The following DPP9 variants were observed in gnomAD, a reference collection of about 807,000 sequenced individuals.
The protein encoded by DPP9 is dipeptidyl peptidase IV-related protein-2.
A neutral mutation model predicts 110.7 loss-of-function variants in DPP9; 50 were observed. The ratio of observed to expected loss-of-function variants is 0.45; its 90% confidence interval spans 0.36 to 0.57. The LOEUF (loss-of-function observed/expected upper bound fraction) is 0.57, where lower values mean the gene tolerates loss of function less well. Among genes scored for constraint, DPP9 ranks in the 20% least tolerant of loss-of-function variants. The probability of loss-of-function intolerance (pLI) is 0.00; values close to 1 mark genes in which losing one functional copy is unlikely to be tolerated. For missense variants in DPP9, 1,022 were observed against 1,217.9 expected (o/e 0.84, Z 2.39); for synonymous variants, 561 against 514.4 (o/e 1.09, Z -1.23).
rs1217348469 is a variant in DPP9, at chr19:4,694,672, C to A, written c.1505G>T (p.Ser502Ile). The A allele has an allele frequency of 6.2e-7, 1 of 1,611,318 alleles. No individual in the cohort carries two copies. The highest frequency in any genetic ancestry group is 1.3e-5 in the African/African-American group (1 of 74,876). ...SQGYDWSEPF[S>I]PGEDEFKCPI... ...CAGGCTCTGCTCACCTTCCCCGGGG[C>A]TGAAGGGCTCACTCCAATCGTAGCC... Residue 502 changes from serine to isoleucine, a missense_variant, in exon 13 of 22, where the codon AGC becomes ATC. By Grantham distance (142) the Ser-to-Ile change is moderately radical. Around this residue, in one of 3 missense-constraint regions of DPP9, gnomAD observed 810 missense variants for 920.6 expected, o/e 0.88. Coordinates refer to ENST00000262960, the MANE Select transcript of DPP9 (RefSeq NM_139159.5). This position sits in a 1 kb window ranked among gnomAD's most constrained non-coding sequence, Gnocchi z 4.0.
At chr19:4,714,383 C>CT in intron 3 of DPP9, 46 bp from the exon 4 acceptor site, 1 of 1,454,596 alleles carries the variant, frequency 6.9e-7, no homozygotes, top group Admixed American at 2.5e-5. Flanking sequence ...ACTGTTTTAC[C>CT]TACGAGCTGC....
rs1002897027 is a variant in DPP9 at position 4,687,829 on chromosome 19, G to A, written c.1885+928C>T. 4.0e-5 allele frequency among the ~76,000 whole-genome samples: 6 copies of A among 151,810 alleles called. No individual in the cohort carries two copies. Among genetic ancestry groups the A allele is most frequent in the Non-Finnish European group, 5.9e-5 (4 of 67,970 alleles). The stretch of plus-strand genomic sequence containing the variant: ...TTTTTTTTTTTTGAGACGGAGTCTC[G>A]CTCTGTCGCCCAGGCTAAAGTACAG... On this transcript the variant is annotated intron_variant, in intron 16 of 21. Coordinates refer to ENST00000262960, the MANE Select transcript of DPP9 (RefSeq NM_139159.5). The surrounding 1 kb of genome is among the most constrained non-coding windows in gnomAD (Gnocchi z 4.7).
intron 18 of DPP9, chr19:4,683,919 G>C (rs1273365809): frequency 3.6e-6 from 4 of 1,112,522 alleles, no homozygotes; most frequent in Non-Finnish European, 5.0e-6. Flanking sequence ...AACAGGAAGA[G>C]GACCCATTTT....
chr19:4,702,481 T>TGG, intron 8 of DPP9, 122 bp downstream of exon 8: 1 of 767,436 alleles, frequency 1.3e-6, no homozygotes, highest in East Asian at 2.7e-5. Context: ...CTCTAGGTGT[T>TGG]GGTATTGACA....
At position 4,710,861 on chromosome 19, in the gene DPP9, C is replaced by T. The variant is rs1004407251; in HGVS notation, c.313+3220G>A. On this transcript the variant is annotated intron_variant, in intron 4 of 21. Coordinates refer to ENST00000262960, the MANE Select transcript of DPP9 (RefSeq NM_139159.5). The surrounding 1 kb of genome is among the most constrained non-coding windows in gnomAD (Gnocchi z 5.6). ...TCTGGTTTTTGAGCTACTCTAGGTACGTTCTGGGGTTTCTGCCAAGTTCAT... is the reference window on the plus strand; with the variant it reads ...TCTGGTTTTTGAGCTACTCTAGGTATGTTCTGGGGTTTCTGCCAAGTTCAT... 2.0e-5 allele frequency among the ~76,000 whole-genome samples: 3 copies of T among 152,270 alleles called. No homozygotes were observed. The highest frequency in any genetic ancestry group is 4.4e-5 in the Non-Finnish European group (3 of 68,006).
Position 4,694,522 on chromosome 19 carries a change from G to A in DPP9, c.1516+139C>T. 4 of 1,114,356 alleles carry A rather than the reference G, an allele frequency of 3.6e-6. No homozygotes were observed. The highest frequency in any genetic ancestry group is 5.1e-6 in the Non-Finnish European group (4 of 789,068). The allele number at this position is 1,114,356 out of a possible 1,614,324, so 69.0% of individuals were successfully genotyped here. A position where few individuals can be genotyped will look rare whatever the true frequency, so the allele number is the denominator to read the frequency against. On this transcript the variant is annotated intron_variant, in intron 13 of 21. Transcript: ENST00000262960. The surrounding 1 kb of genome is among the most constrained non-coding windows in gnomAD (Gnocchi z 4.0). ...CCAGATCATGCAGTCACTGGGGAAG[G>A]CTGGCTTCCTGCCGATCCCTGTTCC...
In DPP9 at chr19:4,685,266, T is replaced by C; in HGVS notation, c.2031+360A>G. 1.9e-6 allele frequency: 1 copy of C among 530,676 alleles called. No homozygotes were observed. Among genetic ancestry groups the C allele is most frequent in the East Asian group, 4.9e-5 (1 of 20,586 alleles). 32.9% of individuals were successfully genotyped at this position (530,676 alleles called of 1,614,324 possible). ...AGATGTGCGCCTAAGATGGTCCAAC[T>C]GCCAATCTGCTGCCTGCTTTTGACC... On this transcript the variant is annotated intron_variant, in intron 17 of 21. Transcript: ENST00000262960. This position sits in a 1 kb window ranked among gnomAD's most constrained non-coding sequence, Gnocchi z 5.8.
In DPP9 at chr19:4,683,600, C is replaced by G. The variant is rs1228140006; in HGVS notation, c.2208G>C (p.Glu736Asp). ...MGQVEIEDQVEGLQFVAEKYG... is the reference protein window; with the variant it reads ...MGQVEIEDQVDGLQFVAEKYG... ...ACTTCTCGGCCACGAACTGCAGGCCCTCCACCTGGTCCTCGATCTCCACCT... is the reference window on the plus strand; with the variant it reads ...ACTTCTCGGCCACGAACTGCAGGCCGTCCACCTGGTCCTCGATCTCCACCT... Residue 736 changes from glutamate (E) to aspartate (D), a missense_variant, in exon 19 of 22, where the codon GAG becomes GAC. Glu to Asp is a conservative substitution (Grantham distance 45, BLOSUM62 2). Coordinates refer to ENST00000262960, the MANE Select transcript of DPP9 (RefSeq NM_139159.5). The G allele has an allele frequency of 6.2e-7, 1 of 1,612,968 alleles. No homozygotes were observed. Among genetic ancestry groups the G allele is most frequent in the African/African-American group, 1.3e-5 (1 of 74,740 alleles).
At chr19:4,683,160 C>T in intron 19 of DPP9, 2 of 1,439,856 alleles carry the variant, frequency 1.4e-6, no homozygotes, top group South Asian at 1.3e-5. Context: ...GGCCTGGGGC[C>T]CCCCCGCCGC....
intron 19 of DPP9, chr19:4,683,159 C>G (rs1468403274): frequency 7.0e-7 from 1 of 1,427,584 alleles, no homozygotes; most frequent in Admixed American, 2.4e-5. Flanking sequence ...CGGCCTGGGG[C>G]CCCCCCGCCG....
Position 4,694,554 on chromosome 19 carries a change from C to T in DPP9, c.1516+107G>A, listed in dbSNP as rs1486383759. 24 of 1,397,736 alleles carry T rather than the reference C, an allele frequency of 1.7e-5. No individual in the cohort carries two copies. Among genetic ancestry groups the T allele is most frequent in the African/African-American group, 1.1e-4 (8 of 70,054 alleles). 86.6% of individuals were successfully genotyped at this position (1,397,736 alleles called of 1,614,324 possible). ...TCCTGCCGATCCCTGTTCCTTCTCC[C>T]GCAGGGTGTGCTGGCTGAGTGGGGG... is the stretch of plus-strand genomic sequence containing the variant. On this transcript the variant is annotated intron_variant, in intron 13 of 21. Coordinates refer to ENST00000262960, the MANE Select transcript of DPP9 (RefSeq NM_139159.5). The surrounding 1 kb of genome is among the most constrained non-coding windows in gnomAD (Gnocchi z 4.0).
rs528389916 is a variant in DPP9, at chr19:4,684,287, C to T, written c.2178+376G>A. On this transcript the variant is annotated intron_variant, in intron 18 of 21. Coordinates refer to ENST00000262960, the MANE Select transcript of DPP9 (RefSeq NM_139159.5). The surrounding 1 kb of genome is among the most constrained non-coding windows in gnomAD (Gnocchi z 4.8). ...CGTGGGAACAGAGAGCAGCCCTCCC[C>T]GACACAGCCCTGCCTTGGCCTTGGA... 1.4e-5 allele frequency: 4 copies of T among 291,310 alleles called. No homozygotes were observed. The highest frequency in any genetic ancestry group is 3.6e-5 in the South Asian group (1 of 27,736). The allele number at this position is 291,310 out of a possible 1,614,324, so 18.0% of individuals were successfully genotyped here. A position where few individuals can be genotyped will look rare whatever the true frequency, so the allele number is the denominator to read the frequency against.
intron 13 of DPP9, among the ~76,000 whole-genome samples, chr19:4,691,204 T>C (rs556848129): frequency 2.0e-5 from 3 of 152,190 alleles, no homozygotes; most frequent in Admixed American, 2.0e-4. Context: ...AGGAGACCCG[T>C]GGCTCACTCC....
At chr19:4,690,752 TGTATGTGTGAGAATGA>T in intron 14 of DPP9, 110 bp downstream of exon 14, 1 of 770,726 alleles carries the variant, frequency 1.3e-6, no homozygotes, top group Non-Finnish European at 2.2e-6. Context: ...TGTGCGTGTG[TGTATGTGTGAGAATGA>T]GTATGTGTGT....
At chr19:4,715,114 G>C (rs1348284924) in intron 3 of DPP9, among the ~76,000 whole-genome samples, 1 of 129,796 alleles carries the variant, frequency 7.7e-6, no homozygotes, top group African/African-American at 2.9e-5. Context: ...CTGCCTCTTA[G>C]GATCAAGCGA....
intron 20 of DPP9, among the ~76,000 whole-genome samples, chr19:4,680,958 A>G (rs1410161907): frequency 6.6e-6 from 1 of 152,134 alleles, no homozygotes; most frequent in African/African-American, 2.4e-5. Flanking sequence ...CTCTCTCAAC[A>G]AAACAAAACA....
At chr19:4,680,621 C>A (rs1474222375) in intron 20 of DPP9, among the ~76,000 whole-genome samples, 1 of 145,940 alleles carries the variant, frequency 6.9e-6, no homozygotes, top group Admixed American at 6.9e-5. Context: ...GCAGGAGGAT[C>A]ACCTAAACCC....
At chr19:4,696,685 G>A (rs1238659836) in intron 11 of DPP9, among the ~76,000 whole-genome samples, 1 of 151,880 alleles carries the variant, frequency 6.6e-6, no homozygotes, top group African/African-American at 2.4e-5. Flanking sequence ...GGAGTCAGAG[G>A]TTGCAGTGAG....
intron 4 of DPP9, among the ~76,000 whole-genome samples, chr19:4,708,525 AT>A (rs2092691139): frequency 6.6e-6 from 1 of 152,230 alleles, no homozygotes; most frequent in East Asian, 1.9e-4. Flanking sequence ...CAGCAAAGAC[AT>A]GGAATCAGCC....
Sources: gnomAD v4.1 joint callset for allele counts (sites outside exome capture counted in the v4.1 genomes callset) on GRCh38, gnomAD v4.1.1 for gene constraint, gnomAD v4.1.1 regional missense constraint, Gnocchi (gnomAD v3.1) non-coding constraint, MANE v1.5 for transcripts, NCBI Gene and HGNC (gene_info 2026-07-23, HGNC 2026-07-21) for gene names.